Variants in RCBTB2 observed in about 807,000 individuals in gnomAD.
The protein encoded by RCBTB2 is RCC1 and BTB domain containing protein 2.
Under a neutral mutation model 65.4 loss-of-function variants are expected in RCBTB2, and 55 were observed. The ratio of observed to expected loss-of-function variants is 0.84; its 90% CI spans 0.68 to 1.05. RCBTB2 has a LOEUF of 1.05. Among genes scored for constraint, RCBTB2 ranks in the 50% least tolerant of loss-of-function variants. The pLI is 0.00. For missense variants in RCBTB2, 599 were observed against 680.1 expected (o/e 0.88, Z 1.33); for synonymous variants, 220 against 255.2 (o/e 0.86, Z 1.31).
At chr13:48,495,310 A>G (rs2138414981) in intron 14 of RCBTB2, among the ~76,000 whole-genome samples, 1 of 152,272 alleles carries the variant, frequency 6.6e-6, no homozygotes, top group Non-Finnish European at 1.5e-5. Flanking sequence ...GATAACCACT[A>G]AGCATAGTTT....
chr13:48,514,617 C>T (rs901036268), intron 6 of RCBTB2, among the ~76,000 whole-genome samples: 3 of 152,232 alleles, frequency 2.0e-5, no homozygotes, highest in Non-Finnish European at 4.4e-5. Flanking sequence ...GCCCTTAAGG[C>T]ACTTGCCATC....
At chr13:48,527,337 GAT>G (rs1174299074) in intron 1 of RCBTB2, among the ~76,000 whole-genome samples, 64 of 112,128 alleles carry the variant, frequency 5.7e-4, no homozygotes, top group African/African-American at 1.1e-3. Context: ...ATATATATAT[GAT>G]ATATATATAT....
chr13:48,527,868 T>C (rs1301650271), intron 1 of RCBTB2, among the ~76,000 whole-genome samples: 1 of 152,214 alleles, frequency 6.6e-6, no homozygotes, highest in Non-Finnish European at 1.5e-5. Flanking sequence ...GATAAACACA[T>C]TCATTCTTAA....
intron 7 of RCBTB2, among the ~76,000 whole-genome samples, 185 bp from the exon 8 acceptor site, chr13:48,512,359 A>G (rs1950850423): frequency 2.0e-5 from 3 of 152,340 alleles, no homozygotes; most frequent in African/African-American, 7.2e-5. Flanking sequence ...ATTTTATACA[A>G]TTAGGTTATT....
At chr13:48,526,658 TA>T (rs1274343922) in intron 1 of RCBTB2, among the ~76,000 whole-genome samples, 1 of 152,202 alleles carries the variant, frequency 6.6e-6, no homozygotes, top group Non-Finnish European at 1.5e-5. Flanking sequence ...CTCATGCCTG[TA>T]ATCTCAACAT....
chr13:48,495,883 T>C (rs1023032846), intron 14 of RCBTB2, among the ~76,000 whole-genome samples: 8 of 152,210 alleles, frequency 5.3e-5, no homozygotes, highest in African/African-American at 1.9e-4. Flanking sequence ...CAGACTTCAT[T>C]ATATGTTGCA....
At position 48,515,702 on chromosome 13, in the gene RCBTB2, C is replaced by G; in HGVS notation, c.82G>C (p.Val28Leu). ...AGGGAAAAAATTGGCCACTTTCCCA[C>G]ATCTAACATCTTCAAAGATGACAGA... ...ATLSSLKMLD[V>L]GKWPIFSLCS... Residue 28 changes from valine to leucine, a missense_variant, in exon 5 of 15, where the codon GTG (valine) becomes CTG (leucine). By Grantham distance (32) the Val-to-Leu change is conservative. Coordinates refer to ENST00000344532, the MANE Select transcript of RCBTB2 (RefSeq NM_001268.4). 1.2e-6 allele frequency: 2 copies of G among 1,613,624 alleles called. No homozygotes were observed. Among genetic ancestry groups the G allele is most frequent in the Non-Finnish European group, 1.7e-6 (2 of 1,179,870 alleles).
At chr13:48,504,981 A>G (rs1002634334) in intron 10 of RCBTB2, among the ~76,000 whole-genome samples, 10 of 152,178 alleles carry the variant, frequency 6.6e-5, no homozygotes, top group African/African-American at 1.9e-4. Context: ...GAGGAAAAAA[A>G]GGCTACGATG....
chr13:48,516,850 G>C (rs1951118482), intron 4 of RCBTB2, among the ~76,000 whole-genome samples: 2 of 152,128 alleles, frequency 1.3e-5, no homozygotes, highest in African/African-American at 2.4e-5. Context: ...TTTTCAACTT[G>C]CCAACATTTT....
At chr13:48,526,800 C>T (rs1200235661) in intron 1 of RCBTB2, among the ~76,000 whole-genome samples, 1 of 151,914 alleles carries the variant, frequency 6.6e-6, no homozygotes, top group East Asian at 1.9e-4. Flanking sequence ...CCTGTAGTCC[C>T]AGCTACTTGG....
At chr13:48,518,791 G>A (rs919205885) in intron 4 of RCBTB2, among the ~76,000 whole-genome samples, 1 of 152,038 alleles carries the variant, frequency 6.6e-6, no homozygotes, top group African/African-American at 2.4e-5. Context: ...GCTAAGGATG[G>A]AATTTTGTTA....
At chr13:48,510,541 C>T (rs1042116401) in intron 10 of RCBTB2, 88 bp downstream of exon 10, 13 of 1,377,206 alleles carry the variant, frequency 9.4e-6, no homozygotes, top group Non-Finnish European at 1.2e-5. Context: ...ACTAGCAGTA[C>T]ATTCCCCACC....
At chr13:48,524,377 G>A (rs1951593155) in intron 2 of RCBTB2, among the ~76,000 whole-genome samples, 1 of 152,174 alleles carries the variant, frequency 6.6e-6, no homozygotes, top group African/African-American at 2.4e-5. Flanking sequence ...GTTATTCTGT[G>A]CCAGGCACTA....
At chr13:48,498,685 G>A (rs1472330919) in intron 13 of RCBTB2, among the ~76,000 whole-genome samples, 9 of 151,944 alleles carry the variant, frequency 5.9e-5, no homozygotes, top group African/African-American at 1.9e-4. Flanking sequence ...AGCGGAGATC[G>A]TGCCATTGCA....
intron 13 of RCBTB2, among the ~76,000 whole-genome samples, chr13:48,496,557 G>A (rs1391509245): frequency 6.6e-6 from 1 of 151,798 alleles, no homozygotes; most frequent in Non-Finnish European, 1.5e-5. Flanking sequence ...CAGGAGCACA[G>A]GGAAAATAGC....
chr13:48,503,034 A>T, intron 10 of RCBTB2, 120 bp from the exon 11 acceptor site: 1 of 1,152,502 alleles, frequency 8.7e-7, no homozygotes, highest in Non-Finnish European at 1.2e-6. Context: ...GGTCAGGAAA[A>T]GGAAAAAACA....
intron 4 of RCBTB2, among the ~76,000 whole-genome samples, chr13:48,521,073 T>C (rs558652296): frequency 6.6e-6 from 1 of 152,330 alleles, no homozygotes; most frequent in Non-Finnish European, 1.5e-5. Context: ...ATTCTTTATT[T>C]TATGAAAGCT....
chr13:48,511,147 T>G (rs115777431), intron 9 of RCBTB2, among the ~76,000 whole-genome samples: 1,696 of 152,322 alleles, frequency 0.011, 25 homozygotes, highest in African/African-American at 0.039. Context: ...GTACTCTGAA[T>G]ATCAGAGGCA....
chr13:48,521,886 T>G lies in RCBTB2; in HGVS notation c.42+12A>C, dbSNP rs2274400. 1.5e-5 allele frequency: 24 copies of G among 1,612,592 alleles called. 1 individual carries two copies. In the South Asian group the frequency reaches 2.6e-4, roughly 18 times the overall value. On this transcript the variant is annotated intron_variant, in intron 4 of 14. Transcript: ENST00000344532. Reference sequence around the variant, plus strand: ...GAACACACATGCTCCAAGGGCATGATTTTTTTCTAACCTTGCCACTGTCTC... The same window carrying G: ...GAACACACATGCTCCAAGGGCATGAGTTTTTTCTAACCTTGCCACTGTCTC...
Sources: allele counts gnomAD v4.1 joint callset (sites outside exome capture counted in the v4.1 genomes callset), GRCh38; gene constraint gnomAD v4.1.1; transcripts MANE v1.5; gene names NCBI Gene and HGNC (gene_info 2026-07-23, HGNC 2026-07-21).